ADCY10: variants seen among roughly 807,000 people sequenced by gnomAD.
The protein encoded by ADCY10 is adenylate cyclase type 10.
In ADCY10, 156 loss-of-function variants were observed where a neutral mutation model predicts 183.3. That is an observed-to-expected ratio of 0.85 (90% confidence interval 0.75 to 0.97). The LOEUF (loss-of-function observed/expected upper bound fraction) is 0.97. ADCY10 is among the 50% of genes least tolerant of loss of function. ADCY10 has a pLI of 0.00. For missense variants in ADCY10, 1,745 were observed against 1,934.3 expected (o/e 0.90, Z 1.84); for synonymous variants, 645 against 670.0 (o/e 0.96, Z 0.58).
At chr1:167,875,092 G>A in intron 13 of ADCY10, 39 bp downstream of exon 13, 2 of 1,559,594 alleles carry the variant, frequency 1.3e-6, no homozygotes, top group Admixed American at 1.7e-5. Context: ...TTTTGTTTTA[G>A]TTCAATAAAG....
intron 31 of ADCY10, among the ~76,000 whole-genome samples, chr1:167,816,543 T>C (rs1406873604): frequency 6.6e-6 from 1 of 151,726 alleles, no homozygotes; most frequent in Non-Finnish European, 1.5e-5. Flanking sequence ...GAGACTCCAT[T>C]TCAAAAAAAA....
intron 14 of ADCY10, among the ~76,000 whole-genome samples, chr1:167,863,591 G>A (rs539607836): frequency 1.1e-4 from 17 of 152,298 alleles, no homozygotes; most frequent in African/African-American, 2.2e-4. Flanking sequence ...TTCCCTGACC[G>A]GGAAGCAAGG....
At chr1:167,831,197 C>CA (rs1553262675) in intron 25 of ADCY10, among the ~76,000 whole-genome samples, 1 of 149,696 alleles carries the variant, frequency 6.7e-6, no homozygotes. Context: ...ATCTCTCTCT[C>CA]TTTTTTTTTT....
chr1:167,904,980 C>G lies in ADCY10; in HGVS notation c.148+13G>C. On this transcript the variant is annotated intron_variant, in intron 2 of 32. Coordinates refer to ENST00000367851, the MANE Select transcript of ADCY10 (RefSeq NM_018417.6). ...GCTCATCCACATTAAACAAACATCC[C>G]TTTTGCACTTGCCTGAAATATCAAC... The G allele has an allele frequency of 6.2e-7, 1 of 1,614,184 alleles. No homozygotes were observed. The highest frequency in any genetic ancestry group is 8.5e-7 in the Non-Finnish European group (1 of 1,180,022).
chr1:167,826,005 C>T (rs1663263063), intron 26 of ADCY10, among the ~76,000 whole-genome samples: 1 of 152,062 alleles, frequency 6.6e-6, no homozygotes. Flanking sequence ...AATAAAGTAT[C>T]TCTAGTGGTG....
At chr1:167,879,187 T>A (rs970963999) in intron 11 of ADCY10, among the ~76,000 whole-genome samples, 1 of 152,208 alleles carries the variant, frequency 6.6e-6, no homozygotes, top group African/African-American at 2.4e-5. Context: ...ATGTGCAAAC[T>A]ACTTGGGACA....
In ADCY10 at chr1:167,878,616, G is replaced by A; in HGVS notation, c.1236C>T (p.Asn412=). Residue 412 remains asparagine, a synonymous_variant, in exon 12 of 33, where the codon AAC becomes AAT. Transcript: ENST00000367851. ...HEYTVIGQKV[N]LAARMMMYYP... The stretch of plus-strand genomic sequence containing the variant: ...AGTACATCATCATCCTGGCAGCTAA[G>A]TTGACTTTTTGACCAATGACTATAG... 1 of 1,614,090 alleles carries A rather than the reference G, an allele frequency of 6.2e-7. No individual in the cohort carries two copies. Among genetic ancestry groups the A allele is most frequent in the Non-Finnish European group, 8.5e-7 (1 of 1,180,010 alleles).
chr1:167,855,329 A>AAAACAAACAAAC (rs34829966), intron 17 of ADCY10, among the ~76,000 whole-genome samples: 2 of 150,870 alleles, frequency 1.3e-5, no homozygotes, highest in South Asian at 4.2e-4. Flanking sequence ...TAAAAAACAA[A>AAAACAAACAAAC]AAACAAACAA....
Position 167,903,870 on chromosome 1 carries a change from C to A in ADCY10, c.253+17G>T. On this transcript the variant is annotated intron_variant, in intron 3 of 32. Transcript: ENST00000367851. ...AATTGAAATATTCTCAAGCCAGAAA[C>A]CTATGGGAACACTTACTCTCCACTA... 6.4e-7 allele frequency: 1 copy of A among 1,566,700 alleles called. No individual in the cohort carries two copies. Among genetic ancestry groups the A allele is most frequent in the Non-Finnish European group, 8.8e-7 (1 of 1,136,746 alleles).
At chr1:167,874,200 G>A (rs139105775) in intron 13 of ADCY10, among the ~76,000 whole-genome samples, 2,180 of 152,074 alleles carry the variant, frequency 0.014, 23 homozygotes, top group East Asian at 0.068. Context: ...GCATGGTGGC[G>A]GACACCTGTA....
chr1:167,810,632 G>A (rs748145074), intron 32 of ADCY10, 93 bp downstream of exon 32: 198 of 1,189,032 alleles, frequency 1.7e-4, no homozygotes, highest in Non-Finnish European at 2.4e-4. Context: ...TTTGTTAATG[G>A]CAGCCTGGTG....
rs1662649526 is a variant in ADCY10, at chr1:167,818,207, A to C, written c.4347T>G (p.Leu1449=). 6.2e-7 allele frequency: 1 copy of C among 1,614,194 alleles called. No homozygotes were observed. ...FYKFSNRAKN[L]LPRRTMTLTY... is the part of the protein sequence containing the mutation. Reference sequence around the variant, plus strand: ...TAAGTGTCATGGTTCTTCTTGGCAAAAGATTTTTAGCTCTATTGGAAAATT... The same window carrying C: ...TAAGTGTCATGGTTCTTCTTGGCAACAGATTTTTAGCTCTATTGGAAAATT... The change falls in exon 31 of 33, where the codon CTT becomes CTG. Residue 1449 remains leucine, a synonymous_variant. Transcript: ENST00000367851.
chr1:167,852,391 C>T (rs1324426502), intron 18 of ADCY10, among the ~76,000 whole-genome samples: 2 of 151,996 alleles, frequency 1.3e-5, no homozygotes, highest in Admixed American at 6.6e-5. Context: ...TTGCAGTGAG[C>T]CGAGATCGTT....
intron 6 of ADCY10, 142 bp downstream of exon 6, chr1:167,899,281 C>G: frequency 1.2e-6 from 1 of 815,110 alleles, no homozygotes; most frequent in Non-Finnish European, 2.1e-6. Context: ...GGACTAAAGC[C>G]TCTGTAGCCT....
chr1:167,858,350 T>C (rs955138250), intron 16 of ADCY10, among the ~76,000 whole-genome samples: 12 of 151,440 alleles, frequency 7.9e-5, no homozygotes, highest in African/African-American at 2.7e-4. Context: ...ATACAAAAAT[T>C]AGCTAGGTGT....
intron 8 of ADCY10, among the ~76,000 whole-genome samples, chr1:167,890,969 A>C (rs1668546028): frequency 6.6e-6 from 1 of 152,010 alleles, no homozygotes; most frequent in Admixed American, 6.6e-5. Flanking sequence ...TTAGTTAGTT[A>C]GTTATTTTTT....
chr1:167,863,630 T>C (rs1250862667), intron 14 of ADCY10, among the ~76,000 whole-genome samples: 1 of 152,202 alleles, frequency 6.6e-6, no homozygotes, highest in Non-Finnish European at 1.5e-5. Context: ...GGCAGCTCCT[T>C]AGGCGGCTTT....
At position 167,856,438 on chromosome 1, in the gene ADCY10, A is replaced by G. The variant is rs773076051; in HGVS notation, c.1898T>C (p.Ile633Thr). ...EILFMKILKL[I>T]VKEERIIFII... ...AAAAATAATCCTTTCCTCTTTCACT[A>G]TCTGGACAAGATGCAGAAAGAGAAA... Residue 633 changes from isoleucine (I) to threonine (T), a missense_variant and splice_region_variant, in exon 17 of 33, where the codon ATA becomes ACA. Physicochemically the swap from Ile to Thr is moderately conservative, Grantham distance 89. Coordinates refer to ENST00000367851, the MANE Select transcript of ADCY10 (RefSeq NM_018417.6). The G allele has an allele frequency of 2.0e-5, 32 of 1,614,026 alleles. No homozygotes were observed. Among genetic ancestry groups the G allele is most frequent in the Middle Eastern group, 1.6e-4 (1 of 6,072 alleles).
At chr1:167,826,909 G>C (rs1292849409) in intron 26 of ADCY10, among the ~76,000 whole-genome samples, 1 of 152,186 alleles carries the variant, frequency 6.6e-6, no homozygotes, top group African/African-American at 2.4e-5. Context: ...GACCAATATG[G>C]CTGGGCTTGT....
Sources: gnomAD v4.1 joint callset for allele counts (sites outside exome capture counted in the v4.1 genomes callset) on GRCh38, gnomAD v4.1.1 for gene constraint, MANE v1.5 for transcripts, NCBI Gene and HGNC (gene_info 2026-07-23, HGNC 2026-07-21) for gene names.